Variants in MAGI1 observed in about 807,000 individuals in gnomAD.
The protein encoded by MAGI1 is membrane-associated guanylate kinase, WW and PDZ domain-containing protein 1.
Under a neutral mutation model 139.9 loss-of-function variants are expected in MAGI1, and 58 were observed. The ratio of observed to expected loss-of-function variants is 0.41; its 90% CI spans 0.34 to 0.52. The LOEUF (loss-of-function observed/expected upper bound fraction) is 0.52, where lower values mean the gene tolerates loss of function less well. MAGI1 is among the 20% of genes least tolerant of loss of function. MAGI1 has a pLI of 0.12. For missense variants in MAGI1, 1,874 were observed against 1,901.6 expected (o/e 0.99, Z 0.27); for synonymous variants, 812 against 737.9 (o/e 1.10, Z -1.63).
At chr3:65,942,094 T>C (rs764594601) in intron 1 of MAGI1, among the ~76,000 whole-genome samples, 51 of 152,256 alleles carry the variant, frequency 3.3e-4, no homozygotes, top group Non-Finnish European at 6.6e-4. Context: ...GCCTTAGCTT[T>C]CTTAGAAAAT....
chr3:65,567,916 T>C (rs1174691360), intron 2 of MAGI1, among the ~76,000 whole-genome samples: 3 of 152,122 alleles, frequency 2.0e-5, no homozygotes, highest in Admixed American at 6.6e-5. Context: ...GCATGTTATG[T>C]GATATTTATA....
intron 1 of MAGI1, among the ~76,000 whole-genome samples, chr3:65,801,437 A>C (rs569313849): frequency 1.8e-4 from 28 of 152,218 alleles, no homozygotes; most frequent in Non-Finnish European, 3.1e-4. Context: ...TAAGTCTTAG[A>C]TTCCATCAAA....
Position 65,757,775 on chromosome 3 carries a change from A to C in MAGI1, c.314-135687T>G, listed in dbSNP as rs549458386. On this transcript the variant is annotated intron_variant, in intron 1 of 22. Coordinates refer to ENST00000402939, the MANE Select transcript of MAGI1 (RefSeq NM_001033057.2). ...TGTCAGCCACATGATTTAAAGAAAG[A>C]AATCCTAAAATAAATTATTTGAGAA... Among the ~76,000 whole-genome samples the C allele has an allele frequency of 1.1e-4, 16 of 152,380 alleles. 1 individual carries two copies. In the East Asian group the frequency reaches 3.1e-3, roughly 29 times the overall value.
intron 18 of MAGI1, among the ~76,000 whole-genome samples, chr3:65,372,616 A>C (rs2106818431): frequency 6.7e-6 from 1 of 149,762 alleles, no homozygotes; most frequent in Middle Eastern, 3.4e-3. Flanking sequence ...GGAAAGTCTT[A>C]AATGACCATC....
intron 1 of MAGI1, among the ~76,000 whole-genome samples, chr3:65,846,985 A>AAAAAAAAAC (rs1181197667): frequency 3.3e-5 from 5 of 151,406 alleles, no homozygotes; most frequent in African/African-American, 1.2e-4. Flanking sequence ...ACAAAAAAAA[A>AAAAAAAAAC]AAAAAAAAAA....
intron 1 of MAGI1, among the ~76,000 whole-genome samples, chr3:65,792,072 T>C (rs530134712): frequency 6.6e-6 from 1 of 152,242 alleles, no homozygotes; most frequent in East Asian, 1.9e-4. Context: ...AAAATCAATT[T>C]ATAAATTAGG....
At chr3:65,889,206 G>C (rs1439604637) in intron 1 of MAGI1, among the ~76,000 whole-genome samples, 1 of 152,172 alleles carries the variant, frequency 6.6e-6, no homozygotes, top group Non-Finnish European at 1.5e-5. Flanking sequence ...CTGATATAAT[G>C]TCCATGGGTC....
intron 6 of MAGI1, among the ~76,000 whole-genome samples, chr3:65,449,308 G>A (rs1045380320): frequency 6.6e-6 from 1 of 152,196 alleles, no homozygotes; most frequent in South Asian, 2.1e-4. Flanking sequence ...CCAGCGGTAA[G>A]TTTTGATTGG....
At chr3:65,970,907 A>C (rs1156939197) in intron 1 of MAGI1, among the ~76,000 whole-genome samples, 1 of 152,176 alleles carries the variant, frequency 6.6e-6, no homozygotes, top group Non-Finnish European at 1.5e-5. Context: ...GATCAGTTTT[A>C]AAAAATAAAT....
At chr3:65,862,145 C>T (rs150544253) in intron 1 of MAGI1, among the ~76,000 whole-genome samples, 21 of 152,300 alleles carry the variant, frequency 1.4e-4, no homozygotes, top group African/African-American at 5.1e-4. Context: ...AGAAAGGTAA[C>T]ATTGCCTAGC....
chr3:65,666,125 C>G (rs2086503214), intron 1 of MAGI1, among the ~76,000 whole-genome samples: 2 of 152,182 alleles, frequency 1.3e-5, no homozygotes, highest in African/African-American at 4.8e-5. Context: ...ATCACAGATA[C>G]ACTGACTCAT....
intron 1 of MAGI1, among the ~76,000 whole-genome samples, chr3:65,998,588 C>T (rs2066578631): frequency 6.6e-6 from 1 of 152,156 alleles, no homozygotes; most frequent in Non-Finnish European, 1.5e-5. Flanking sequence ...TTTAAGAGAC[C>T]AAGACTAATC....
intron 1 of MAGI1, among the ~76,000 whole-genome samples, chr3:65,963,591 A>C (rs1966601): frequency 6.6e-6 from 1 of 151,970 alleles, no homozygotes; most frequent in African/African-American, 2.4e-5. Flanking sequence ...ACTCCAGCCT[A>C]GGTGACAAAG....
chr3:65,681,059 G>GGCTT (rs2087560156), intron 1 of MAGI1, among the ~76,000 whole-genome samples: 2 of 152,096 alleles, frequency 1.3e-5, no homozygotes, highest in Non-Finnish European at 2.9e-5. Context: ...TCTATAGTGG[G>GGCTT]GCTTAGGGAC....
chr3:65,711,994 A>G (rs2031500776), intron 1 of MAGI1, among the ~76,000 whole-genome samples: 1 of 152,172 alleles, frequency 6.6e-6, no homozygotes. Flanking sequence ...TTGGATTGAT[A>G]TCTATCTCCC....
At chr3:66,015,545 T>A (rs1019935152) in intron 1 of MAGI1, among the ~76,000 whole-genome samples, 1 of 152,174 alleles carries the variant, frequency 6.6e-6, no homozygotes, top group Non-Finnish European at 1.5e-5. Context: ...TAGAGCTGAT[T>A]GAGAAGTAAA....
At chr3:65,775,504 A>AG (rs1430188369) in intron 1 of MAGI1, among the ~76,000 whole-genome samples, 7 of 19,474 alleles carry the variant, frequency 3.6e-4, no homozygotes, top group African/African-American at 1.7e-3. Flanking sequence ...CACTCTGCCA[A>AG]AAAAAAAAAA....
intron 1 of MAGI1, 144 bp downstream of exon 1, chr3:66,037,852 T>TA: frequency 7.2e-7 from 1 of 1,396,320 alleles, no homozygotes; most frequent in Non-Finnish European, 9.6e-7. Flanking sequence ...CAACTTTGTG[T>TA]ATTTCACCGC....
chr3:65,375,654 C>T (rs980830496), intron 18 of MAGI1, 91 bp downstream of exon 18: 6 of 1,100,256 alleles, frequency 5.5e-6, no homozygotes, highest in African/African-American at 3.2e-5. Flanking sequence ...TACACGAACA[C>T]TAATCAAAGA....
Sources: gnomAD v4.1 joint callset for allele counts (sites outside exome capture counted in the v4.1 genomes callset) on GRCh38, gnomAD v4.1.1 for gene constraint, MANE v1.5 for transcripts, NCBI Gene and HGNC (gene_info 2026-07-23, HGNC 2026-07-21) for gene names.